The following ZNF654 variants were observed in gnomAD, a reference collection of about 807,000 sequenced individuals.
The protein encoded by ZNF654 is zinc finger protein 654.
A neutral mutation model predicts 95.3 loss-of-function variants in ZNF654; 19 were observed. The ratio of observed to expected loss-of-function variants is 0.20; its 90% CI spans 0.14 to 0.29. The LOEUF (loss-of-function observed/expected upper bound fraction) is 0.29, where lower values mean the gene tolerates loss of function less well. ZNF654 is among the 10% of genes least tolerant of loss of function. The probability of loss-of-function intolerance (pLI) is 1.00; values close to 1 mark genes in which losing one functional copy is unlikely to be tolerated. For missense variants in ZNF654, 1,046 were observed against 1,341.0 expected (o/e 0.78, Z 3.44); for synonymous variants, 413 against 457.9 (o/e 0.90, Z 1.25).
In ZNF654 at chr3:88,067,268, A is replaced by G. The variant is rs997857605; in HGVS notation, c.186+7763A>G. Among the ~76,000 whole-genome samples, 3 of 152,220 alleles carry G rather than the reference A, an allele frequency of 2.0e-5. No homozygotes were observed. In the East Asian group the frequency reaches 5.8e-4, roughly 29 times the overall value. The stretch of plus-strand genomic sequence containing the variant: ...TAATAGCTTGACTATGTATATTTGG[A>G]TACCTGGGCAAGTTCTGCTCTACTG... On this transcript the variant is annotated intron_variant, in intron 1 of 8. Transcript: ENST00000636215.
At chr3:88,066,531 C>T (rs1465438945) in intron 1 of ZNF654, among the ~76,000 whole-genome samples, 1 of 151,778 alleles carries the variant, frequency 6.6e-6, no homozygotes, top group African/African-American at 2.4e-5. Context: ...CTGAGATCTC[C>T]AGCCTGGCTG....
chr3:88,140,912 T>C lies in ZNF654; in HGVS notation c.3243T>C (p.Asp1081=). The part of the protein sequence containing the change: ...TDRVDACSDQ[D]NVYKKSVKRL... The stretch of plus-strand genomic sequence containing the variant: ...GAGTAGATGCCTGTTCTGATCAAGA[T>C]AACGTGTATAAAAAATCAGTGAAAA... Residue 1081 remains aspartate (D), a synonymous_variant, in exon 8 of 9, where the codon GAT becomes GAC. Coordinates refer to ENST00000636215, the MANE Select transcript of ZNF654 (RefSeq NM_001350134.2). The C allele has an allele frequency of 6.2e-7, 1 of 1,613,582 alleles. No individual in the cohort carries two copies. The highest frequency in any genetic ancestry group is 2.2e-5 in the East Asian group (1 of 44,868).
chr3:88,114,557 C>G (rs1705275152), intron 3 of ZNF654, among the ~76,000 whole-genome samples: 1 of 152,158 alleles, frequency 6.6e-6, no homozygotes, highest in Admixed American at 6.6e-5. Context: ...CTGGCTGATT[C>G]TAATTTCCAT....
intron 7 of ZNF654, among the ~76,000 whole-genome samples, chr3:88,137,743 G>C (rs1375772798): frequency 6.6e-6 from 1 of 152,086 alleles, no homozygotes; most frequent in Non-Finnish European, 1.5e-5. Context: ...TGGATAAAGT[G>C]AAAATCGGAT....
chr3:88,122,883 G>A (rs935491844), intron 3 of ZNF654, among the ~76,000 whole-genome samples: 8 of 151,538 alleles, frequency 5.3e-5, no homozygotes, highest in African/African-American at 1.5e-4. Context: ...GGTGGTGGGC[G>A]CCTGTAATCT....
intron 3 of ZNF654, among the ~76,000 whole-genome samples, chr3:88,118,801 C>T (rs1705572296): frequency 2.0e-5 from 3 of 152,210 alleles, no homozygotes; most frequent in Non-Finnish European, 4.4e-5. Context: ...CTCAACTGCA[C>T]TTTGACTGTG....
intron 2 of ZNF654, among the ~76,000 whole-genome samples, chr3:88,098,652 C>A (rs1704211226): frequency 1.3e-5 from 2 of 152,186 alleles, no homozygotes; most frequent in Admixed American, 6.5e-5. Flanking sequence ...TGGGCTTCAT[C>A]CCTGGGATGC....
chr3:88,084,357 C>T (rs1483028359), intron 1 of ZNF654, among the ~76,000 whole-genome samples: 1 of 152,138 alleles, frequency 6.6e-6, no homozygotes, highest in Non-Finnish European at 1.5e-5. Flanking sequence ...TTTTATGTGG[C>T]ACCGGAGTAG....
At chr3:88,116,319 G>A (rs1218399224) in intron 3 of ZNF654, among the ~76,000 whole-genome samples, 3 of 151,992 alleles carry the variant, frequency 2.0e-5, no homozygotes, top group Admixed American at 6.6e-5. Flanking sequence ...GTGGGAACTC[G>A]AGACCAGCCT....
chr3:88,143,149 C>T lies in ZNF654; in HGVS notation c.*1497C>T, dbSNP rs1000198310. The T allele has an allele frequency of 3.9e-5, 6 of 152,160 alleles. No homozygotes were observed. The highest frequency in any genetic ancestry group is 1.2e-4 in the African/African-American group (5 of 41,396). 9.4% of individuals were successfully genotyped at this position (152,160 alleles called of 1,614,324 possible). ...TAGAGCTTCTTGAATGAGGCTATTACGGAAGTGGGGAATTTCTTCCAGGTA... is the reference window on the plus strand; with the variant it reads ...TAGAGCTTCTTGAATGAGGCTATTATGGAAGTGGGGAATTTCTTCCAGGTA... On this transcript the variant is annotated 3_prime_UTR_variant, in exon 9 of 9. Coordinates refer to ENST00000636215, the MANE Select transcript of ZNF654 (RefSeq NM_001350134.2).
intron 6 of ZNF654, 36 bp downstream of exon 6, chr3:88,129,862 G>A (rs1706340646): frequency 7.3e-7 from 1 of 1,372,942 alleles, no homozygotes. Flanking sequence ...GAAATGGTAA[G>A]ATGGGCAACA....
intron 2 of ZNF654, among the ~76,000 whole-genome samples, chr3:88,101,749 A>G (rs1704438696): frequency 6.6e-6 from 1 of 152,150 alleles, no homozygotes; most frequent in Admixed American, 6.5e-5. Flanking sequence ...AAAACTGCTA[A>G]CCAAAGTGAC....
In ZNF654 at chr3:88,140,992, C is replaced by T. The variant is rs2107899287; in HGVS notation, c.3323C>T (p.Ala1108Val). 6.2e-7 allele frequency: 1 copy of T among 1,612,516 alleles called. No homozygotes were observed. The highest frequency in any genetic ancestry group is 8.5e-7 in the Non-Finnish European group (1 of 1,179,200). The change falls in exon 8 of 9, where the codon GCT becomes GTT. Residue 1108 changes from alanine to valine, a missense_variant. Physicochemically the swap from Ala to Val is moderately conservative, Grantham distance 64. Transcript: ENST00000636215. ...TTYCNAEALE[A>V]HLAQKKCQTL... Reference sequence around the variant, plus strand: ...TACTGTAATGCAGAAGCACTTGAGGCTCATCTTGCACAAAAGAAATGTCAG... The same window carrying T: ...TACTGTAATGCAGAAGCACTTGAGGTTCATCTTGCACAAAAGAAATGTCAG...
chr3:88,121,392 A>T (rs1189764460), intron 3 of ZNF654, among the ~76,000 whole-genome samples: 1 of 152,180 alleles, frequency 6.6e-6, no homozygotes, highest in Non-Finnish European at 1.5e-5. Context: ...AACAGCAATC[A>T]TGTAATAAAT....
intron 2 of ZNF654, among the ~76,000 whole-genome samples, chr3:88,098,830 C>G (rs1023236407): frequency 9.9e-5 from 15 of 152,022 alleles, no homozygotes; most frequent in African/African-American, 3.4e-4. Flanking sequence ...TTGATGGGAC[C>G]TATCTCAAAA....
chr3:88,059,610 C>G, intron 1 of ZNF654, 105 bp downstream of exon 1: 1 of 1,399,012 alleles, frequency 7.1e-7, no homozygotes, highest in Non-Finnish European at 9.3e-7. Context: ...GTGCCCGCTC[C>G]TCCCCAACAA....
chr3:88,102,081 C>T (rs1704459615), intron 2 of ZNF654, among the ~76,000 whole-genome samples: 1 of 151,974 alleles, frequency 6.6e-6, no homozygotes, highest in Non-Finnish European at 1.5e-5. Flanking sequence ...TGTGATTTAT[C>T]CCATGCTATA....
At chr3:88,063,858 G>A (rs1171753392) in intron 1 of ZNF654, among the ~76,000 whole-genome samples, 1 of 152,060 alleles carries the variant, frequency 6.6e-6, no homozygotes. Flanking sequence ...TCATGATCCA[G>A]GGTAGTTGCT....
At chr3:88,075,102 T>A (rs1376601702) in intron 1 of ZNF654, among the ~76,000 whole-genome samples, 21 of 152,228 alleles carry the variant, frequency 1.4e-4, no homozygotes, top group Non-Finnish European at 8.8e-5. Flanking sequence ...TCTTAATTGA[T>A]GTTTCCTACT....
Sources: gnomAD v4.1 joint callset for allele counts (sites outside exome capture counted in the v4.1 genomes callset) on GRCh38, gnomAD v4.1.1 for gene constraint, MANE v1.5 for transcripts, NCBI Gene and HGNC (gene_info 2026-07-23, HGNC 2026-07-21) for gene names.